The following ADGRG1 variants were observed in gnomAD, a reference collection of about 807,000 sequenced individuals.
The protein encoded by ADGRG1 is adhesion G protein-coupled receptor G1.
ADGRG1 carries 53 observed loss-of-function variants against 73.5 expected under a neutral mutation model. That is an observed-to-expected ratio of 0.72 (90% CI 0.58 to 0.91). The LOEUF is 0.91. ADGRG1 is among the 40% of genes least tolerant of loss of function. The pLI, the probability that ADGRG1 is intolerant of heterozygous loss-of-function variation, is 0.00. For missense variants in ADGRG1, 795 were observed against 871.8 expected (o/e 0.91, Z 1.11); for synonymous variants, 394 against 374.4 (o/e 1.05, Z -0.60).
intron 7 of ADGRG1, 59 bp from the exon 8 acceptor site, chr16:57,656,167 G>A (rs889851005): frequency 3.7e-6 from 6 of 1,613,862 alleles, no homozygotes; most frequent in Non-Finnish European, 4.2e-6. Context: ...TGCCTGGCCT[G>A]TAAAGTTGGA....
At chr16:57,633,314 C>T in intron 1 of ADGRG1, 7 of 984,890 alleles carry the variant, frequency 7.1e-6, no homozygotes, top group Non-Finnish European at 8.4e-6. Context: ...GACTTAGGCT[C>T]AAATCCTTGA....
At chr16:57,627,945 G>A, upstream of ADGRG1, 1 of 977,118 alleles carries the variant, frequency 1.0e-6, no homozygotes, top group South Asian at 4.7e-5. Context: ...TTCCCCTTTG[G>A]CTCAGCAGAT....
chr16:57,643,315 A>G (rs141988596), intron 1 of ADGRG1: 1 of 152,614 alleles, frequency 6.6e-6, no homozygotes, highest in Non-Finnish European at 1.5e-5. Flanking sequence ...CCTCTTAAGC[A>G]AATGCCCAGT....
intron 3 of ADGRG1, chr16:57,652,004 G>C: frequency 8.3e-7 from 1 of 1,209,328 alleles, no homozygotes; most frequent in Non-Finnish European, 1.0e-6. Context: ...TTCTTCCTCA[G>C]CATCAGTGTA....
chr16:57,633,537 G>A (rs1217716287), intron 1 of ADGRG1: 1 of 984,722 alleles, frequency 1.0e-6, no homozygotes, highest in Non-Finnish European at 1.2e-6. Flanking sequence ...GCACGAGGTG[G>A]GCTGTTAGGG....
intron 1 of ADGRG1, chr16:57,629,025 TGAGTGTGA>T (rs1418948643): frequency 6.2e-6 from 3 of 486,272 alleles, no homozygotes; most frequent in East Asian, 1.5e-4. Context: ...ACTGAGCGTT[TGAGTGTGA>T]GAGTGTGAGT....
At chr16:57,634,111 C>T (rs1555533753) in intron 1 of ADGRG1, 1 of 985,298 alleles carries the variant, frequency 1.0e-6, no homozygotes, top group Non-Finnish European at 1.2e-6. Context: ...TTTCCTGGGA[C>T]AGAACAGCAC....
upstream of ADGRG1, among the ~76,000 whole-genome samples, chr16:57,620,391 G>A (rs1360254454): frequency 6.6e-6 from 1 of 152,204 alleles, no homozygotes; most frequent in African/African-American, 2.4e-5. Flanking sequence ...CGGGAAGCTG[G>A]CAGGTGTGAG....
chr16:57,628,395 G>A, upstream of ADGRG1: 1 of 454,320 alleles, frequency 2.2e-6, no homozygotes, highest in Non-Finnish European at 2.9e-6. Context: ...AACACTGTCT[G>A]CCTGGATGAG....
Position 57,653,084 on chromosome 16 carries a change from C to G in ADGRG1, c.488-119C>G, listed in dbSNP as rs1223466556. On this transcript the variant is annotated intron_variant, in intron 3 of 13. Coordinates refer to ENST00000562631, the MANE Select transcript of ADGRG1 (RefSeq NM_201525.4). The stretch of plus-strand genomic sequence containing the variant: ...TCTGCTTCTTGAAGCCTCAGTTTCC[C>G]CTTTGTAAAGTAAAGATCGAGGCAT... 1.9e-6 allele frequency: 3 copies of G among 1,580,604 alleles called. No individual in the cohort carries two copies. The African/African-American group carries it at 4.0e-5, about 21-fold the overall frequency.
intron 13 of ADGRG1, chr16:57,662,853 T>C: frequency 1.2e-6 from 1 of 822,064 alleles, no homozygotes; most frequent in South Asian, 5.6e-5. Flanking sequence ...AAGGGGGTTG[T>C]ATGGCCAGGC....
intron 5 of ADGRG1, 56 bp downstream of exon 5, chr16:57,654,189 G>C: frequency 6.4e-7 from 1 of 1,561,736 alleles, no homozygotes; most frequent in Non-Finnish European, 8.7e-7. Context: ...GCCAGATGGA[G>C]GTGGGGGCTG....
chr16:57,644,459 C>T (rs1308088792), intron 1 of ADGRG1, among the ~76,000 whole-genome samples: 2 of 147,220 alleles, frequency 1.4e-5, no homozygotes, highest in Admixed American at 1.3e-4. Context: ...CATGCACACA[C>T]TCATGCACGG....
chr16:57,637,932 C>T (rs1597216424), intron 1 of ADGRG1, among the ~76,000 whole-genome samples: 1 of 152,214 alleles, frequency 6.6e-6, no homozygotes, highest in South Asian at 2.1e-4. Context: ...ACCCCAGGAC[C>T]TTTTGCACCC....
Position 57,659,515 on chromosome 16 carries a change from A to G in ADGRG1, c.1389A>G (p.Thr463=), listed in dbSNP as rs1203306913. Reference sequence around the variant, plus strand: ...TGCTCAGCGAGCCGGTGGCCCTGACAGGCTCTGAGGCTGGCTGCCGAGCCA... The same window carrying G: ...TGCTCAGCGAGCCGGTGGCCCTGACGGGCTCTGAGGCTGGCTGCCGAGCCA... ...SFLLSEPVAL[T]GSEAGCRASA... is the part of the protein sequence containing the mutation. Residue 463 remains threonine (T), a synonymous_variant, in exon 11 of 14, where the codon ACA becomes ACG. Transcript: ENST00000562631. 1 of 1,613,934 alleles carries G rather than the reference A, an allele frequency of 6.2e-7. No homozygotes were observed. The highest frequency in any genetic ancestry group is 1.1e-5 in the South Asian group (1 of 91,074).
intron 1 of ADGRG1, among the ~76,000 whole-genome samples, chr16:57,644,654 A>G (rs2147915819): frequency 7.4e-6 from 1 of 134,726 alleles, no homozygotes; most frequent in East Asian, 2.7e-4. Flanking sequence ...GGGCACGCAC[A>G]CTCATCACAC....
At chr16:57,636,112 G>T (rs2039301630) in intron 1 of ADGRG1, 19 of 985,268 alleles carry the variant, frequency 1.9e-5, no homozygotes, top group Non-Finnish European at 2.3e-5. Flanking sequence ...CCAGGTGGGA[G>T]CTTGGGGTCT....
At chr16:57,645,700 C>T (rs1250613284) in intron 1 of ADGRG1, among the ~76,000 whole-genome samples, 1 of 152,196 alleles carries the variant, frequency 6.6e-6, no homozygotes, top group Non-Finnish European at 1.5e-5. Flanking sequence ...CTCCCAAGCC[C>T]ACCCCATCAG....
rs1423814324 is a variant in ADGRG1 at position 57,628,656 on chromosome 16, G to A, written c.-182G>A. 1.3e-5 allele frequency: 13 copies of A among 985,408 alleles called. No individual in the cohort carries two copies. Among genetic ancestry groups the A allele is most frequent in the African/African-American group, 7.0e-5 (4 of 57,260 alleles). 61.0% of individuals were successfully genotyped at this position (985,408 alleles called of 1,614,324 possible). ...CACTAGCTGTCTGCCCTGCCCTGCC[G>A]TAGGAGATGGGCTGGGAGCCTCCCA... On this transcript the variant is annotated 5_prime_UTR_variant, in exon 1 of 14. Coordinates refer to ENST00000562631, the MANE Select transcript of ADGRG1 (RefSeq NM_201525.4).
Sources: allele counts gnomAD v4.1 joint callset (sites outside exome capture counted in the v4.1 genomes callset), GRCh38; gene constraint gnomAD v4.1.1; transcripts MANE v1.5; gene names NCBI Gene and HGNC (gene_info 2026-07-23, HGNC 2026-07-21).